Variants in EGFLAM observed in about 807,000 individuals in gnomAD.
EGFLAM encodes the protein pikachurin.
A neutral mutation model predicts 113.1 loss-of-function variants in EGFLAM; 79 were observed. The ratio of observed to expected loss-of-function variants is 0.70; its 90% CI spans 0.58 to 0.84. EGFLAM has a LOEUF of 0.84. EGFLAM is among the 40% of genes least tolerant of loss of function. The pLI is 0.00. For missense variants in EGFLAM, 1,265 were observed against 1,291.6 expected, an observed-to-expected ratio of 0.98 and a Z score of 0.32; for synonymous variants, 504 against 487.6, an observed-to-expected ratio of 1.03 and a Z score of -0.44.
At chr5:38,395,872 C>T (rs1740946032) in intron 6 of EGFLAM, among the ~76,000 whole-genome samples, 1 of 152,080 alleles carries the variant, frequency 6.6e-6, no homozygotes, top group African/African-American at 2.4e-5. Flanking sequence ...CGGTTAGTTA[C>T]CCTGTCTCTC....
In EGFLAM at chr5:38,464,153, T is replaced by C. The variant is rs1398159096; in HGVS notation, c.*167T>C. ...AACTGAGAACCAAGACAGGCATCCCTGGGTGGCCTTTCCTGCTGACACTCC... is the reference window on the plus strand; with the variant it reads ...AACTGAGAACCAAGACAGGCATCCCCGGGTGGCCTTTCCTGCTGACACTCC... On this transcript the variant is annotated 3_prime_UTR_variant, in exon 22 of 22. Coordinates refer to ENST00000322350, the MANE Select transcript of EGFLAM (RefSeq NM_152403.4). 2 of 903,546 alleles carry C rather than the reference T, an allele frequency of 2.2e-6. No individual in the cohort carries two copies. The highest frequency in any genetic ancestry group is 3.2e-6 in the Non-Finnish European group (2 of 618,446). The allele number at this position is 903,546 out of a possible 1,614,324, so 56.0% of individuals were successfully genotyped here. A position where few individuals can be genotyped will look rare whatever the true frequency, so the allele number is the denominator to read the frequency against.
At chr5:38,412,368 CT>C in intron 10 of EGFLAM, 135 bp from the exon 11 acceptor site, 1 of 1,310,738 alleles carries the variant, frequency 7.6e-7, no homozygotes. Flanking sequence ...TTCAACAGCA[CT>C]TGATATTCAT....
chr5:38,435,805 TC>T (rs1386721830), intron 16 of EGFLAM, among the ~76,000 whole-genome samples: 6 of 137,118 alleles, frequency 4.4e-5, no homozygotes, highest in South Asian at 2.5e-4. Flanking sequence ...CCCGGCTCTC[TC>T]TTTTTTTTTT....
chr5:38,394,733 A>G (rs56197018), intron 6 of EGFLAM, among the ~76,000 whole-genome samples: 1 of 82,674 alleles, frequency 1.2e-5, no homozygotes, highest in African/African-American at 6.4e-5. Context: ...TTTTTTTTTA[A>G]CTCTAATGCT....
chr5:38,350,562 G>A lies in EGFLAM; in HGVS notation c.353G>A (p.Ser118Asn). 5 of 1,614,110 alleles carry A rather than the reference G, an allele frequency of 3.1e-6. No homozygotes were observed. The South Asian group carries it at 3.3e-5, about 11-fold the overall frequency. Residue 118 changes from serine (S) to asparagine (N), a missense_variant, in exon 4 of 22, where the codon AGC becomes AAC. Physicochemically the swap from Ser to Asn is conservative, Grantham distance 46. Coordinates refer to ENST00000322350, the MANE Select transcript of EGFLAM (RefSeq NM_152403.4). ...TEYRVSIAAY[S>N]QAGKGRLSSP... Reference sequence around the variant, plus strand: ...TATCGTGTGAGCATAGCAGCTTACAGCCAGGCTGGCAAAGGGCGGCTGAGC... The same window carrying A: ...TATCGTGTGAGCATAGCAGCTTACAACCAGGCTGGCAAAGGGCGGCTGAGC...
chr5:38,450,039 C>G (rs1360123042), intron 18 of EGFLAM, among the ~76,000 whole-genome samples: 2 of 152,142 alleles, frequency 1.3e-5, no homozygotes, highest in Non-Finnish European at 2.9e-5. Flanking sequence ...GACTTTTTTT[C>G]TCATATGACT....
At chr5:38,376,752 C>T (rs1460376230) in intron 6 of EGFLAM, among the ~76,000 whole-genome samples, 1 of 152,200 alleles carries the variant, frequency 6.6e-6, no homozygotes, top group Non-Finnish European at 1.5e-5. Flanking sequence ...TTCACTGCAA[C>T]CTCCACCTCC....
intron 6 of EGFLAM, among the ~76,000 whole-genome samples, chr5:38,391,250 A>G (rs1740801608): frequency 6.6e-6 from 1 of 152,312 alleles, no homozygotes; most frequent in African/African-American, 2.4e-5. Flanking sequence ...CCTTTCCCCT[A>G]TTAATTCGTA....
intron 1 of EGFLAM, chr5:38,282,287 A>C (rs1392834522): frequency 7.0e-6 from 1 of 142,476 alleles, no homozygotes; most frequent in African/African-American, 2.7e-5. Flanking sequence ...AGTTTATTTG[A>C]AAGGTGCAAA....
chr5:38,420,584 GAA>G (rs1436189287), intron 12 of EGFLAM, among the ~76,000 whole-genome samples: 14 of 152,314 alleles, frequency 9.2e-5, no homozygotes, highest in Non-Finnish European at 1.5e-5. Flanking sequence ...AAAGCACTTA[GAA>G]TAGGGCTTTG....
intron 1 of EGFLAM, among the ~76,000 whole-genome samples, chr5:38,291,919 C>T (rs186277016): frequency 2.0e-4 from 30 of 152,320 alleles, no homozygotes; most frequent in African/African-American, 7.0e-4. Flanking sequence ...TATTGCACTG[C>T]AGAGCTCTGC....
At position 38,452,720 on chromosome 5, in the gene EGFLAM, G is replaced by C. The variant is rs527867661; in HGVS notation, c.2687+1262G>C. Among the ~76,000 whole-genome samples, 12 of 152,298 alleles carry C rather than the reference G, an allele frequency of 7.9e-5. 1 individual carries two copies. In the South Asian group the frequency reaches 2.1e-3, roughly 26 times the overall value. ...AGTCTCCTGCTGCCAGAGGAACAAA[G>C]CACAGATTCATGTCTCAATAGATCC... is the stretch of plus-strand genomic sequence containing the variant. On this transcript the variant is annotated intron_variant, in intron 19 of 21. Transcript: ENST00000322350.
chr5:38,395,034 G>A (rs1009221925), intron 6 of EGFLAM, among the ~76,000 whole-genome samples: 9 of 151,900 alleles, frequency 5.9e-5, no homozygotes, highest in East Asian at 2.0e-4. Context: ...TTCGCCTCCC[G>A]GATTCAAGCG....
chr5:38,369,185 G>A (rs1740143079), intron 5 of EGFLAM, among the ~76,000 whole-genome samples: 1 of 152,126 alleles, frequency 6.6e-6, no homozygotes. Flanking sequence ...TCTAAGAGTG[G>A]CATTTAAAGG....
intron 6 of EGFLAM, among the ~76,000 whole-genome samples, chr5:38,371,419 CAA>C (rs977758383): frequency 2.7e-4 from 41 of 152,230 alleles, no homozygotes; most frequent in African/African-American, 9.4e-4. Flanking sequence ...CCTCTCCTCA[CAA>C]AGCACCCACA....
chr5:38,291,427 A>G (rs946089356), intron 1 of EGFLAM, among the ~76,000 whole-genome samples: 2 of 151,878 alleles, frequency 1.3e-5, no homozygotes, highest in African/African-American at 4.8e-5. Context: ...TACTCACCCA[A>G]CCTCTGGCAT....
Position 38,352,903 on chromosome 5 carries a change from C to T in EGFLAM, c.545+572C>T, listed in dbSNP as rs74559357. 7.0e-3 allele frequency among the ~76,000 whole-genome samples: 1,065 copies of T among 152,274 alleles called. 14 individuals are homozygous for T. Among genetic ancestry groups the T allele is most frequent in the African/African-American group, 0.024 (980 of 41,550 alleles). On this transcript the variant is annotated intron_variant, in intron 5 of 21. Coordinates refer to ENST00000322350, the MANE Select transcript of EGFLAM (RefSeq NM_152403.4). The stretch of plus-strand genomic sequence containing the variant: ...GAGACTATTCTAGGCTCTGAAAACT[C>T]CTGAGGTACCATTTCTGATAAGCCT...
chr5:38,405,052 T>C (rs1271005858), intron 6 of EGFLAM, among the ~76,000 whole-genome samples: 1 of 152,190 alleles, frequency 6.6e-6, no homozygotes. Context: ...CCTGCTAAGA[T>C]GGATGAAATG....
At chr5:38,284,853 T>C (rs2111768658) in intron 1 of EGFLAM, among the ~76,000 whole-genome samples, 1 of 152,292 alleles carries the variant, frequency 6.6e-6, no homozygotes, top group South Asian at 2.1e-4. Flanking sequence ...ACTCTCCATT[T>C]TGATGTAGAT....
Sources: gnomAD v4.1 joint callset for allele counts (sites outside exome capture counted in the v4.1 genomes callset) on GRCh38, gnomAD v4.1.1 for gene constraint, MANE v1.5 for transcripts, NCBI Gene and HGNC (gene_info 2026-07-23, HGNC 2026-07-21) for gene names.